The following SLC39A11 variants were observed in gnomAD, a reference collection of about 807,000 sequenced individuals.
The protein encoded by SLC39A11 is solute carrier family 39 member 11, also known as zinc transporter ZIP11.
Under a neutral mutation model 36.1 loss-of-function variants are expected in SLC39A11, and 33 were observed. The ratio of observed to expected loss-of-function variants is 0.91; its 90% CI spans 0.69 to 1.22. The LOEUF (loss-of-function observed/expected upper bound fraction) is 1.22, where lower values mean the gene tolerates loss of function less well. Among genes scored for constraint, SLC39A11 ranks in the 50% most tolerant of loss-of-function variants. SLC39A11 has a pLI of 0.00. For missense variants in SLC39A11, 432 were observed against 430.3 expected (o/e 1.00, Z -0.03); for synonymous variants, 166 against 170.3 (o/e 0.97, Z 0.20).
Position 72,839,207 on chromosome 17 carries a change from T to C in SLC39A11, c.601+10427A>G, listed in dbSNP as rs368665069. ...AAGGAATGCTGGCTGCTGAAGACAT[T>C]TCAGAACTCAAGCTAAGAATCTCTG... On this transcript the variant is annotated intron_variant, in intron 6 of 9. Transcript: ENST00000255559. 22 of 152,058 alleles carry C rather than the reference T, an allele frequency of 1.4e-4. 1 individual carries two copies. The highest frequency in any genetic ancestry group is 3.1e-4 in the African/African-American group (13 of 41,478). 9.4% of individuals were successfully genotyped at this position (152,058 alleles called of 1,614,324 possible).
chr17:72,702,145 G>A (rs1484662104), intron 7 of SLC39A11, among the ~76,000 whole-genome samples: 3 of 152,164 alleles, frequency 2.0e-5, no homozygotes, highest in Non-Finnish European at 4.4e-5. Flanking sequence ...ATTTCTCAGG[G>A]TGGACAGATC....
intron 6 of SLC39A11, among the ~76,000 whole-genome samples, chr17:72,772,514 G>A (rs2075983277): frequency 6.6e-6 from 1 of 152,152 alleles, no homozygotes; most frequent in African/African-American, 2.4e-5. Context: ...CCCATGAGCA[G>A]AATAACTGAC....
intron 6 of SLC39A11, among the ~76,000 whole-genome samples, chr17:72,832,756 C>A (rs1005837926): frequency 6.6e-6 from 1 of 152,154 alleles, no homozygotes; most frequent in Non-Finnish European, 1.5e-5. Context: ...GGAATGGAGA[C>A]AAAACAAACA....
intron 5 of SLC39A11, among the ~76,000 whole-genome samples, chr17:72,853,961 A>C (rs2038925975): frequency 6.6e-6 from 1 of 152,090 alleles, no homozygotes; most frequent in South Asian, 2.1e-4. Flanking sequence ...TTGAAATTGG[A>C]AAGGTTTGGG....
chr17:73,092,328 T>A (rs2060950904), intron 1 of SLC39A11: 1 of 152,192 alleles, frequency 6.6e-6, no homozygotes, highest in South Asian at 2.1e-4. Flanking sequence ...GGATTTGGGT[T>A]AGGACTGTAA....
intron 6 of SLC39A11, among the ~76,000 whole-genome samples, chr17:72,749,447 T>C (rs2144285093): frequency 6.6e-6 from 1 of 152,298 alleles, no homozygotes; most frequent in East Asian, 1.9e-4. Flanking sequence ...CTGGGGAACC[T>C]TGTATATTCA....
rs141163452 is a variant in SLC39A11 at position 73,028,373 on chromosome 17, T to C, written c.306+3183A>G. Among the ~76,000 whole-genome samples, 32 of 152,316 alleles carry C rather than the reference T, an allele frequency of 2.1e-4. No individual in the cohort carries two copies. The East Asian group carries it at 6.0e-3, about 28-fold the overall frequency. ...AGCATCTTCGATAGATCCAAGCTGCTGCCCTTTTCAGGTCTGGTGAGCAAA... is the reference window on the plus strand; with the variant it reads ...AGCATCTTCGATAGATCCAAGCTGCCGCCCTTTTCAGGTCTGGTGAGCAAA... On this transcript the variant is annotated intron_variant, in intron 4 of 9. Coordinates refer to ENST00000255559, the MANE Select transcript of SLC39A11 (RefSeq NM_139177.4).
At chr17:72,806,731 C>T (rs1290746869) in intron 6 of SLC39A11, among the ~76,000 whole-genome samples, 5 of 152,096 alleles carry the variant, frequency 3.3e-5, no homozygotes, top group African/African-American at 9.7e-5. Flanking sequence ...TACAGGCGCC[C>T]GTCACCATGC....
chr17:73,068,311 G>T lies in SLC39A11; in HGVS notation c.147+16497C>A, dbSNP rs1239948232. On this transcript the variant is annotated intron_variant, in intron 3 of 9. Transcript: ENST00000255559. ...CCATCTTGCTTGGAGAGACTCCGGGGTCTTTCTTGTTTTAGCCACTATGTT... is the reference window on the plus strand; with the variant it reads ...CCATCTTGCTTGGAGAGACTCCGGGTTCTTTCTTGTTTTAGCCACTATGTT... The T allele has an allele frequency of 8.4e-6, 5 of 595,280 alleles. No individual in the cohort carries two copies. The Admixed American group carries it at 1.2e-4, about 14-fold the overall frequency. 36.9% of individuals were successfully genotyped at this position (595,280 alleles called of 1,614,324 possible).
chr17:72,873,845 G>T (rs1163409040), intron 5 of SLC39A11, among the ~76,000 whole-genome samples: 1 of 152,186 alleles, frequency 6.6e-6, no homozygotes, highest in Admixed American at 6.5e-5. Context: ...TGTCAAGGGT[G>T]GGACCAGGTG....
intron 6 of SLC39A11, among the ~76,000 whole-genome samples, chr17:72,738,295 C>CA (rs2074522555): frequency 6.6e-6 from 1 of 152,166 alleles, no homozygotes. Flanking sequence ...TGAGCCACCG[C>CA]ACCTGGCCAA....
chr17:72,885,379 T>C (rs1011556069), intron 5 of SLC39A11, among the ~76,000 whole-genome samples: 3 of 152,196 alleles, frequency 2.0e-5, no homozygotes, highest in African/African-American at 7.2e-5. Flanking sequence ...TTTACAACTC[T>C]CTAATCCTGT....
chr17:72,944,341 G>C (rs1232943795), intron 5 of SLC39A11, among the ~76,000 whole-genome samples: 1 of 152,176 alleles, frequency 6.6e-6, no homozygotes, highest in Non-Finnish European at 1.5e-5. Flanking sequence ...ATTAGTAAGA[G>C]AATCAACTGA....
chr17:72,979,259 G>T (rs934107342), intron 4 of SLC39A11, among the ~76,000 whole-genome samples: 1 of 152,116 alleles, frequency 6.6e-6, no homozygotes, highest in Non-Finnish European at 1.5e-5. Context: ...TAACTTTCCT[G>T]AGGGCTCCCC....
At chr17:72,714,541 C>A (rs1163542670) in intron 7 of SLC39A11, among the ~76,000 whole-genome samples, 1 of 152,156 alleles carries the variant, frequency 6.6e-6, no homozygotes, top group African/African-American at 2.4e-5. Flanking sequence ...GTGTCAACAT[C>A]CACCTCCTGC....
chr17:72,790,523 C>G (rs931511593), intron 6 of SLC39A11, among the ~76,000 whole-genome samples: 2 of 150,404 alleles, frequency 1.3e-5, no homozygotes, highest in African/African-American at 4.9e-5. Context: ...CAATGAATTT[C>G]TCTCTCTCTC....
intron 5 of SLC39A11, among the ~76,000 whole-genome samples, chr17:72,905,867 C>A (rs906615592): frequency 6.6e-6 from 1 of 151,970 alleles, no homozygotes; most frequent in Non-Finnish European, 1.5e-5. Flanking sequence ...CATTCTCCTG[C>A]CTCAGCCTCC....
chr17:73,055,626 C>T (rs372082773), intron 3 of SLC39A11, among the ~76,000 whole-genome samples: 11 of 140,354 alleles, frequency 7.8e-5, no homozygotes, highest in Admixed American at 1.4e-4. Context: ...TGAGGGAAGG[C>T]GGGTAGGGGG....
At chr17:72,750,607 CT>C (rs2075119132) in intron 6 of SLC39A11, among the ~76,000 whole-genome samples, 1 of 151,938 alleles carries the variant, frequency 6.6e-6, no homozygotes, top group Non-Finnish European at 1.5e-5. Flanking sequence ...TCATTTATCA[CT>C]CCCCACATGT....
Sources: gnomAD v4.1 joint callset for allele counts (sites outside exome capture counted in the v4.1 genomes callset) on GRCh38, gnomAD v4.1.1 for gene constraint, MANE v1.5 for transcripts, NCBI Gene and HGNC (gene_info 2026-07-23, HGNC 2026-07-21) for gene names.